TNFSF8: variants seen among roughly 807,000 people sequenced by gnomAD.
TNFSF8 encodes TNF superfamily member 8, also known as tumor necrosis factor ligand superfamily member 8.
TNFSF8 carries 4 observed loss-of-function variants against 22.0 expected under a neutral mutation model. The ratio of observed to expected loss-of-function variants is 0.18; its 90% confidence interval spans 0.09 to 0.42. The LOEUF (loss-of-function observed/expected upper bound fraction) is 0.42, where lower values mean the gene tolerates loss of function less well. TNFSF8 is among the 10% of genes least tolerant of loss of function. The pLI, the probability that TNFSF8 is intolerant of heterozygous loss-of-function variation, is 1.00. For missense variants in TNFSF8, 233 were observed against 281.8 expected (o/e 0.83, Z 1.24); for synonymous variants, 106 against 112.5 (o/e 0.94, Z 0.37).
chr9:114,914,927 T>C (rs922927061), intron 2 of TNFSF8, among the ~76,000 whole-genome samples: 1 of 152,208 alleles, frequency 6.6e-6, no homozygotes, highest in African/African-American at 2.4e-5. Flanking sequence ...AAGTGTATCC[T>C]GTGTTTTTTC....
Position 114,902,349 on chromosome 9 carries a change from G to A in TNFSF8, c.*1582C>T. 1 of 985,426 alleles carries A rather than the reference G, an allele frequency of 1.0e-6. No individual in the cohort carries two copies. Among genetic ancestry groups the A allele is most frequent in the Non-Finnish European group, 1.2e-6 (1 of 829,926 alleles). 61.0% of individuals were successfully genotyped at this position (985,426 alleles called of 1,614,324 possible). A position where few individuals can be genotyped will look rare whatever the true frequency, so the allele number is the denominator to read the frequency against. On this transcript the variant is annotated 3_prime_UTR_variant, in exon 4 of 4. Transcript: ENST00000223795. The stretch of plus-strand genomic sequence containing the variant: ...AGGAATATATTATGCAGGGGATGGA[G>A]CAGCCATTCCCTGGCTAGATGACCA...
At chr9:114,926,363 G>C (rs1233925455) in intron 1 of TNFSF8, among the ~76,000 whole-genome samples, 1 of 152,118 alleles carries the variant, frequency 6.6e-6, no homozygotes, top group Admixed American at 6.5e-5. Flanking sequence ...CCGGGAGGCG[G>C]AGCTTGCAGT....
In TNFSF8 at chr9:114,910,262, G is replaced by A. The variant is rs568435844; in HGVS notation, c.239-4363C>T. ...AGAAAGAGAGGTTGCTCGAGGTGGT[G>A]AAAGGAGCATATTCTAGAAGGTCAA... On this transcript the variant is annotated intron_variant, in intron 2 of 3. Transcript: ENST00000223795. Among the ~76,000 whole-genome samples, 8 of 152,316 alleles carry A rather than the reference G, an allele frequency of 5.3e-5. No homozygotes were observed. In the South Asian group the frequency reaches 1.4e-3, roughly 28 times the overall value.
intron 1 of TNFSF8, among the ~76,000 whole-genome samples, chr9:114,928,493 T>C (rs1828091205): frequency 6.6e-6 from 1 of 152,244 alleles, no homozygotes; most frequent in South Asian, 2.1e-4. Flanking sequence ...TCTAGCTTTA[T>C]ATATCACCAT....
At chr9:114,917,670 G>A (rs2131347001) in intron 2 of TNFSF8, among the ~76,000 whole-genome samples, 1 of 152,326 alleles carries the variant, frequency 6.6e-6, no homozygotes, top group South Asian at 2.1e-4. Flanking sequence ...GCAATTTACA[G>A]ATGAGATCTG....
chr9:114,906,986 G>A (rs141270167), intron 2 of TNFSF8, among the ~76,000 whole-genome samples: 3 of 152,164 alleles, frequency 2.0e-5, no homozygotes, highest in African/African-American at 4.8e-5. Flanking sequence ...GGCAGCCAAC[G>A]GCCCATTCAA....
chr9:114,925,952 CATT>C (rs1828052539), intron 1 of TNFSF8, among the ~76,000 whole-genome samples: 1 of 152,108 alleles, frequency 6.6e-6, no homozygotes, highest in South Asian at 2.1e-4. Flanking sequence ...TTGTCTATCT[CATT>C]ATGTATTCCC....
downstream of TNFSF8, among the ~76,000 whole-genome samples, chr9:114,900,803 G>A (rs145097109): frequency 0.01 from 1,550 of 152,286 alleles, 16 homozygotes; most frequent in Non-Finnish European, 0.016. Flanking sequence ...CCAACATGGT[G>A]AAATCCCGTC....
At chr9:114,915,574 G>C (rs1827908963) in intron 2 of TNFSF8, among the ~76,000 whole-genome samples, 1 of 152,180 alleles carries the variant, frequency 6.6e-6, no homozygotes, top group Middle Eastern at 3.2e-3. Flanking sequence ...GGGAGAAGAG[G>C]GAGGAGCCCC....
chr9:114,921,478 T>C (rs2131348602), intron 1 of TNFSF8, among the ~76,000 whole-genome samples: 1 of 152,304 alleles, frequency 6.6e-6, no homozygotes, highest in Admixed American at 6.5e-5. Context: ...AAACAAAGGA[T>C]AGAAGAGCTC....
At chr9:114,907,046 C>T (rs1331957687) in intron 2 of TNFSF8, among the ~76,000 whole-genome samples, 1 of 152,218 alleles carries the variant, frequency 6.6e-6, no homozygotes, top group African/African-American at 2.4e-5. Context: ...CCGAGTAGTA[C>T]CTGCTGGGCT....
intron 1 of TNFSF8, among the ~76,000 whole-genome samples, chr9:114,922,103 A>G (rs896756345): frequency 6.6e-6 from 1 of 152,234 alleles, no homozygotes; most frequent in Non-Finnish European, 1.5e-5. Flanking sequence ...AAGATATTAT[A>G]AAGTGTTAGC....
At chr9:114,924,881 C>T (rs1425251408) in intron 1 of TNFSF8, among the ~76,000 whole-genome samples, 1 of 152,156 alleles carries the variant, frequency 6.6e-6, no homozygotes, top group Non-Finnish European at 1.5e-5. Flanking sequence ...GGGGACCTCC[C>T]CACATAACCT....
In TNFSF8 at chr9:114,893,653, A is replaced by C. The variant is rs540279151; in HGVS notation, c.*426T>G. 1.8e-5 allele frequency: 3 copies of C among 166,354 alleles called. No individual in the cohort carries two copies. The East Asian group carries it at 5.2e-4, about 29-fold the overall frequency. 10.3% of individuals were successfully genotyped at this position (166,354 alleles called of 1,614,324 possible). A position where few individuals can be genotyped will look rare whatever the true frequency, so the allele number is the denominator to read the frequency against. ...TTTCCTAGAACAACAAAGTGATTGT[A>C]GATAAGAATGAGTCACCTAAACATT... On this transcript the variant is annotated 3_prime_UTR_variant, in exon 5 of 5. Transcript: ENST00000618336.
chr9:114,924,589 A>G (rs1455903229), intron 1 of TNFSF8, among the ~76,000 whole-genome samples: 5 of 152,170 alleles, frequency 3.3e-5, no homozygotes, highest in African/African-American at 1.2e-4. Context: ...ACAGCAATCT[A>G]GGTGCCAAGG....
rs1827728563 is a variant in TNFSF8, at chr9:114,902,374, A to C, written c.*1557T>G. The C allele has an allele frequency of 2.0e-6, 2 of 985,322 alleles. 1 individual carries two copies. Among genetic ancestry groups the C allele is most frequent in the South Asian group, 9.4e-5 (2 of 21,292 alleles). The allele number at this position is 985,322 out of a possible 1,614,324, so 61.0% of individuals were successfully genotyped here. ...GCAGCCATTCCCTGGCTAGATGACC[A>C]CATCACTGTTGCACACTGATTGTTT... On this transcript the variant is annotated 3_prime_UTR_variant, in exon 4 of 4. Coordinates refer to ENST00000223795, the MANE Select transcript of TNFSF8 (RefSeq NM_001244.4).
intron 2 of TNFSF8, 40 bp from the exon 3 acceptor site, chr9:114,905,939 G>C: frequency 7.1e-7 from 1 of 1,417,236 alleles, no homozygotes; most frequent in Non-Finnish European, 1.0e-6. Flanking sequence ...GTCTTTTGCC[G>C]TTTTGGGATC....
downstream of TNFSF8, among the ~76,000 whole-genome samples, chr9:114,897,086 A>G (rs1012710549): frequency 2.0e-5 from 3 of 152,052 alleles, no homozygotes; most frequent in African/African-American, 4.8e-5. Context: ...TTTTTAGTAG[A>G]GACGGGGTTT....
At chr9:114,905,253 T>C (rs1474346074) in intron 3 of TNFSF8, among the ~76,000 whole-genome samples, 1 of 152,222 alleles carries the variant, frequency 6.6e-6, no homozygotes, top group African/African-American at 2.4e-5. Flanking sequence ...ATTCAGAGAA[T>C]CTTGGCCATC....
Sources: gnomAD v4.1 joint callset for allele counts (sites outside exome capture counted in the v4.1 genomes callset) on GRCh38, gnomAD v4.1.1 for gene constraint, MANE v1.5 for transcripts, NCBI Gene and HGNC (gene_info 2026-07-23, HGNC 2026-07-21) for gene names.